The following PSME4 variants were observed in gnomAD, a reference collection of about 807,000 sequenced individuals.
The protein encoded by PSME4 is proteasome activator complex subunit 4.
Under a neutral mutation model 253.9 loss-of-function variants are expected in PSME4, and 89 were observed. That is an observed-to-expected ratio of 0.35 (90% CI 0.30 to 0.42). The LOEUF is 0.42. Among genes scored for constraint, PSME4 ranks in the 10% least tolerant of loss-of-function variants. The probability of loss-of-function intolerance (pLI) is 1.00; values close to 1 mark genes in which losing one functional copy is unlikely to be tolerated. For missense variants in PSME4, 2,014 were observed against 2,195.2 expected, an observed-to-expected ratio of 0.92 and a Z score of 1.65; for synonymous variants, 851 against 759.2, an observed-to-expected ratio of 1.12 and a Z score of -1.99.
At chr2:53,933,839 T>C (rs1054005069) in intron 8 of PSME4, among the ~76,000 whole-genome samples, 3 of 152,206 alleles carry the variant, frequency 2.0e-5, no homozygotes, top group Non-Finnish European at 4.4e-5. Flanking sequence ...ATAGTAAACA[T>C]CTTTCAGTGT....
At position 53,904,057 on chromosome 2, in the gene PSME4, C is replaced by T; in HGVS notation, c.3043G>A (p.Asp1015Asn). ...IPLVLEFLRP[D>N]RQGVTQQQFK... ...TGTTGCTGTGTAACACCTTGTCTAT[C>T]AGGCCTTAAGAACTCCAAAACCAAG... Residue 1015 changes from aspartate to asparagine, a missense_variant, in exon 27 of 47, where the codon GAT (aspartate) becomes AAT (asparagine). Around this residue, in one of 4 missense-constraint regions of PSME4, gnomAD observed 989 missense variants for 1,021.1 expected, o/e 0.97. Coordinates refer to ENST00000404125, the MANE Select transcript of PSME4 (RefSeq NM_014614.3). 1 of 1,613,588 alleles carries T rather than the reference C, an allele frequency of 6.2e-7. No homozygotes were observed. Among genetic ancestry groups the T allele is most frequent in the Non-Finnish European group, 8.5e-7 (1 of 1,179,740 alleles).
chr2:53,879,692 A>C lies in PSME4; in HGVS notation c.4816-3937T>G, dbSNP rs547083768. ...TCTACCAAATAAGCCCAGAAACACTAATCAACTCAGTAACAATGAATACCC... is the reference window on the plus strand; with the variant it reads ...TCTACCAAATAAGCCCAGAAACACTCATCAACTCAGTAACAATGAATACCC... On this transcript the variant is annotated intron_variant, in intron 41 of 46. Transcript: ENST00000404125. 2.0e-5 allele frequency among the ~76,000 whole-genome samples: 3 copies of C among 151,896 alleles called. No individual in the cohort carries two copies. The East Asian group carries it at 5.8e-4, about 29-fold the overall frequency.
At chr2:53,868,481 TAA>T (rs1678683903) in intron 44 of PSME4, among the ~76,000 whole-genome samples, 1 of 80,004 alleles carries the variant, frequency 1.2e-5, no homozygotes. Flanking sequence ...AATATATTTA[TAA>T]TATATATATA....
At chr2:53,872,709 T>G (rs1235994974) in intron 43 of PSME4, among the ~76,000 whole-genome samples, 1 of 107,862 alleles carries the variant, frequency 9.3e-6, no homozygotes, top group Non-Finnish European at 1.7e-5. Flanking sequence ...GCCACTGCAC[T>G]ACAGCCTGGA....
intron 20 of PSME4, among the ~76,000 whole-genome samples, chr2:53,915,562 A>C (rs965925148): frequency 1.3e-5 from 2 of 151,866 alleles, no homozygotes; most frequent in South Asian, 2.1e-4. Flanking sequence ...TTGTCTCTCT[A>C]TATTTTTTTT....
intron 3 of PSME4, among the ~76,000 whole-genome samples, chr2:53,943,500 T>C (rs923299485): frequency 2.0e-5 from 3 of 152,218 alleles, no homozygotes; most frequent in South Asian, 2.1e-4. Flanking sequence ...TCATTTTTCA[T>C]TGCCACTTCA....
intron 3 of PSME4, among the ~76,000 whole-genome samples, chr2:53,947,562 C>T (rs1301255819): frequency 3.3e-5 from 5 of 151,844 alleles, no homozygotes; most frequent in South Asian, 2.1e-4. Flanking sequence ...AAAAATTAGC[C>T]GGGCGTGGTG....
intron 20 of PSME4, among the ~76,000 whole-genome samples, chr2:53,911,956 T>C (rs755846093): frequency 5.3e-5 from 8 of 152,236 alleles, no homozygotes; most frequent in Non-Finnish European, 8.8e-5. Context: ...ATTGTTTTCT[T>C]ATCAGGGAAT....
intron 14 of PSME4, among the ~76,000 whole-genome samples, chr2:53,925,090 C>A (rs1245163450): frequency 6.6e-6 from 1 of 152,194 alleles, no homozygotes; most frequent in Non-Finnish European, 1.5e-5. Context: ...TGCTTAGGAA[C>A]CCTCAACCAC....
At chr2:53,891,707 A>T (rs1158844337) in intron 36 of PSME4, among the ~76,000 whole-genome samples, 6 of 152,064 alleles carry the variant, frequency 3.9e-5, no homozygotes, top group African/African-American at 1.2e-4. Context: ...AAAAATACAA[A>T]AATTAGCCTG....
At chr2:53,948,680 G>C in intron 2 of PSME4, 143 bp from the exon 3 acceptor site, 1 of 626,894 alleles carries the variant, frequency 1.6e-6, no homozygotes. Context: ...CTCACTAGCA[G>C]AACATAGTAT....
chr2:53,944,901 G>A (rs1481818543), intron 3 of PSME4, among the ~76,000 whole-genome samples: 1 of 151,898 alleles, frequency 6.6e-6, no homozygotes, highest in African/African-American at 2.4e-5. Context: ...GTTCTCCAGA[G>A]GCAGATTAAT....
chr2:53,877,754 C>G (rs969007590), intron 41 of PSME4, among the ~76,000 whole-genome samples: 2 of 152,134 alleles, frequency 1.3e-5, no homozygotes, highest in Non-Finnish European at 2.9e-5. Context: ...AAAGATGGCT[C>G]AGAGGAGCTG....
intron 42 of PSME4, 124 bp from the exon 43 acceptor site, chr2:53,874,618 A>T: frequency 1.0e-6 from 1 of 981,596 alleles, no homozygotes; most frequent in Non-Finnish European, 1.5e-6. Context: ...AGGTATAGTT[A>T]GGACAAGCTC....
chr2:53,957,645 C>A (rs1032034679), intron 1 of PSME4, among the ~76,000 whole-genome samples: 1 of 152,060 alleles, frequency 6.6e-6, no homozygotes, highest in Admixed American at 6.5e-5. Flanking sequence ...CAGTACGTGG[C>A]CTGGGAGATG....
intron 36 of PSME4, among the ~76,000 whole-genome samples, chr2:53,892,586 C>A (rs1679960471): frequency 6.6e-6 from 1 of 151,774 alleles, no homozygotes; most frequent in Non-Finnish European, 1.5e-5. Context: ...AAATTTTTTC[C>A]CCCAATGTGG....
chr2:53,945,681 C>T (rs1558418337), intron 3 of PSME4, among the ~76,000 whole-genome samples: 1 of 152,144 alleles, frequency 6.6e-6, no homozygotes, highest in Non-Finnish European at 1.5e-5. Flanking sequence ...AGGACTAAAA[C>T]ATAAGGCACA....
rs1291048801 is a variant in PSME4, at chr2:53,892,857, T to A, written c.4142A>T (p.Glu1381Val). 1.2e-6 allele frequency: 2 copies of A among 1,613,894 alleles called. No individual in the cohort carries two copies. The highest frequency in any genetic ancestry group is 1.7e-6 in the Non-Finnish European group (2 of 1,179,886). The change falls in exon 36 of 47, where the codon GAA becomes GTA. Residue 1381 changes from glutamate to valine, a missense_variant. By Grantham distance (121) the Glu-to-Val change is moderately radical. Coordinates refer to ENST00000404125, the MANE Select transcript of PSME4 (RefSeq NM_014614.3). The stretch of plus-strand genomic sequence containing the variant: ...ACCTCTGATTAAACCAGCTATAATT[T>A]CTGCAACACATCGCTGGGTGCTTTC... Reference protein sequence around the residue: ...SHESTQRCVAEIIAGLIRGSK... With the variant: ...SHESTQRCVAVIIAGLIRGSK...
chr2:53,921,545 C>T (rs1361144439), intron 17 of PSME4, among the ~76,000 whole-genome samples: 1 of 145,814 alleles, frequency 6.9e-6, no homozygotes, highest in Non-Finnish European at 1.5e-5. Flanking sequence ...ACGCCTGGCC[C>T]TAATTAAACT....
Sources: gnomAD v4.1 joint callset for allele counts (sites outside exome capture counted in the v4.1 genomes callset) on GRCh38, gnomAD v4.1.1 for gene constraint, gnomAD v4.1.1 regional missense constraint, MANE v1.5 for transcripts, NCBI Gene and HGNC (gene_info 2026-07-23, HGNC 2026-07-21) for gene names.